Variants in UNC5C observed in about 807,000 individuals in gnomAD.
UNC5C encodes the protein unc-5 netrin receptor C.
Under a neutral mutation model 99.8 loss-of-function variants are expected in UNC5C, and 47 were observed. The observed-to-expected ratio is 0.47, with a 90% CI of 0.37 to 0.60. The LOEUF (loss-of-function observed/expected upper bound fraction) is 0.60, where lower values mean the gene tolerates loss of function less well. UNC5C is among the 20% of genes least tolerant of loss of function. The pLI is 0.00. For missense variants in UNC5C, 1,062 were observed against 1,165.9 expected (o/e 0.91, Z 1.30); for synonymous variants, 487 against 452.2 (o/e 1.08, Z -0.98).
At position 95,219,135 on chromosome 4, in the gene UNC5C, G is replaced by C. The variant is rs775433817; in HGVS notation, c.1479C>G (p.Asp493Glu). 1.9e-6 allele frequency: 3 copies of C among 1,614,136 alleles called. No homozygotes were observed. Among genetic ancestry groups the C allele is most frequent in the Non-Finnish European group, 2.5e-6 (3 of 1,180,024 alleles). Reference protein sequence around the residue: ...NTSGAVTPQDDLSEFTSKLSP... With the variant: ...NTSGAVTPQDELSEFTSKLSP... The stretch of plus-strand genomic sequence containing the variant: ...ACAGCTTGGACGTAAACTCAGAGAG[G>C]TCATCTTGGGGGGTGACAGCACCTG... The change falls in exon 9 of 16, where the codon GAC becomes GAG. Residue 493 changes from aspartate to glutamate, a missense_variant. By Grantham distance (45) the Asp-to-Glu change is conservative. This residue lies in a region of UNC5C where 810 missense variants were observed against 854.5 expected (regional missense o/e 0.95). Transcript: ENST00000453304.
At chr4:95,274,334 A>T (rs1740775616) in intron 4 of UNC5C, among the ~76,000 whole-genome samples, 1 of 152,100 alleles carries the variant, frequency 6.6e-6, no homozygotes, top group Non-Finnish European at 1.5e-5. Flanking sequence ...CGGTGGCTAA[A>T]GGGTTATATC....
At chr4:95,376,966 C>T (rs542836751) in intron 1 of UNC5C, among the ~76,000 whole-genome samples, 28 of 152,194 alleles carry the variant, frequency 1.8e-4, no homozygotes, top group Non-Finnish European at 2.4e-4. Context: ...TTTAAGCCAG[C>T]GAAGTGCTAA....
chr4:95,482,119 G>T (rs990140443), intron 1 of UNC5C, among the ~76,000 whole-genome samples: 3 of 151,738 alleles, frequency 2.0e-5, no homozygotes, highest in Non-Finnish European at 4.4e-5. Context: ...TCTGACAAAG[G>T]GCTAATATCC....
intron 1 of UNC5C, among the ~76,000 whole-genome samples, chr4:95,410,112 GTA>G (rs1418076554): frequency 6.6e-6 from 1 of 152,136 alleles, no homozygotes; most frequent in African/African-American, 2.4e-5. Context: ...ACCTTACTAT[GTA>G]TTATATAATA....
chr4:95,533,712 AAAAC>A (rs1297197074), intron 1 of UNC5C, among the ~76,000 whole-genome samples: 8 of 152,314 alleles, frequency 5.3e-5, no homozygotes, highest in African/African-American at 1.9e-4. Context: ...TTTGAAAACA[AAAAC>A]AAAAAAGGCA....
chr4:95,447,503 AT>A lies in UNC5C; in HGVS notation c.124+101230del, dbSNP rs1441565401. Reference sequence around the variant, plus strand: ...GCCTGCCTAATTTTATTATTTATTTATTTTTTTATTTATTTGAGACGAAGTC... The same window carrying A: ...GCCTGCCTAATTTTATTATTTATTTATTTTTTATTTATTTGAGACGAAGTC... On this transcript the variant is annotated intron_variant, in intron 1 of 15. Coordinates refer to ENST00000453304, the MANE Select transcript of UNC5C (RefSeq NM_003728.4). Among the ~76,000 whole-genome samples, 7 of 151,952 alleles carry A rather than the reference AT, an allele frequency of 4.6e-5. No individual in the cohort carries two copies. The East Asian group carries it at 1.4e-3, about 30-fold the overall frequency.
intron 2 of UNC5C, among the ~76,000 whole-genome samples, chr4:95,317,359 C>G (rs557915487): frequency 2.0e-5 from 3 of 152,268 alleles, no homozygotes; most frequent in Non-Finnish European, 4.4e-5. Flanking sequence ...ATCTGGGAAG[C>G]CAACTGAGAG....
chr4:95,212,164 A>G (rs940049404), intron 10 of UNC5C, among the ~76,000 whole-genome samples: 3 of 152,184 alleles, frequency 2.0e-5, no homozygotes, highest in Non-Finnish European at 4.4e-5. Flanking sequence ...ATAGATGTAT[A>G]TGATAGTGTC....
intron 1 of UNC5C, among the ~76,000 whole-genome samples, chr4:95,365,295 C>T (rs1248354855): frequency 9.3e-6 from 1 of 108,036 alleles, no homozygotes; most frequent in Non-Finnish European, 2.0e-5. Flanking sequence ...GAATCTGTCT[C>T]AAAAAAAAAA....
chr4:95,333,048 A>G (rs1241003070), intron 2 of UNC5C, among the ~76,000 whole-genome samples: 1 of 152,106 alleles, frequency 6.6e-6, no homozygotes. Context: ...TTAGAATGGC[A>G]ATCATTAAAA....
chr4:95,292,266 T>TATATATAA (rs1361082093), intron 3 of UNC5C, among the ~76,000 whole-genome samples: 2 of 58,106 alleles, frequency 3.4e-5, no homozygotes, highest in Non-Finnish European at 6.8e-5. Flanking sequence ...TATATATATA[T>TATATATAA]AAATTTTTTT....
intron 4 of UNC5C, among the ~76,000 whole-genome samples, chr4:95,257,297 G>C (rs1409743678): frequency 6.6e-6 from 1 of 152,090 alleles, no homozygotes; most frequent in Non-Finnish European, 1.5e-5. Flanking sequence ...GCAGCTACTT[G>C]GGAGGCTAAG....
intron 1 of UNC5C, among the ~76,000 whole-genome samples, chr4:95,353,289 A>G (rs897714037): frequency 2.6e-5 from 4 of 152,156 alleles, no homozygotes; most frequent in Non-Finnish European, 5.9e-5. Context: ...CACATCTAAA[A>G]GTGATGACTT....
intron 2 of UNC5C, among the ~76,000 whole-genome samples, chr4:95,334,852 T>A (rs999449159): frequency 3.3e-5 from 5 of 151,960 alleles, no homozygotes; most frequent in Admixed American, 3.3e-4. Flanking sequence ...TCCTACACTA[T>A]CACTGTTCTG....
At chr4:95,300,693 C>T (rs1188132147) in intron 3 of UNC5C, among the ~76,000 whole-genome samples, 2 of 152,050 alleles carry the variant, frequency 1.3e-5, no homozygotes, top group Non-Finnish European at 2.9e-5. Context: ...AGTTCTTTCA[C>T]ATCCCTAAAG....
At position 95,316,920 on chromosome 4, in the gene UNC5C, A is replaced by G. The variant is rs143756546; in HGVS notation, c.347-15171T>C. Reference sequence around the variant, plus strand: ...GGGATCTGAGGTCCTAAAAAGAAAAATAATGACAGAGAATGGCTGTAATTT... The same window carrying G: ...GGGATCTGAGGTCCTAAAAAGAAAAGTAATGACAGAGAATGGCTGTAATTT... On this transcript the variant is annotated intron_variant, in intron 2 of 15. Transcript: ENST00000453304. Among the ~76,000 whole-genome samples, 395 of 151,988 alleles carry G rather than the reference A, an allele frequency of 2.6e-3. 2 individuals carry two copies. The highest frequency in any genetic ancestry group is 8.5e-3 in the African/African-American group (353 of 41,438).
chr4:95,374,416 A>G (rs942546831), intron 1 of UNC5C, among the ~76,000 whole-genome samples: 1 of 152,136 alleles, frequency 6.6e-6, no homozygotes, highest in Non-Finnish European at 1.5e-5. Flanking sequence ...TAGTTGCCAT[A>G]AGCAGCCCTG....
chr4:95,434,540 T>C (rs896112222), intron 1 of UNC5C, among the ~76,000 whole-genome samples: 1 of 152,048 alleles, frequency 6.6e-6, no homozygotes, highest in Non-Finnish European at 1.5e-5. Context: ...CTTTATATAC[T>C]TCCTTTACAC....
chr4:95,482,832 G>A (rs1479386670), intron 1 of UNC5C, among the ~76,000 whole-genome samples: 1 of 125,084 alleles, frequency 8.0e-6, no homozygotes, highest in African/African-American at 3.3e-5. Context: ...ACACAGGAAG[G>A]GGAACATCAC....
Sources: allele counts gnomAD v4.1 joint callset (sites outside exome capture counted in the v4.1 genomes callset), GRCh38; gene constraint gnomAD v4.1.1; regional missense constraint gnomAD v4.1.1; transcripts MANE v1.5; gene names NCBI Gene and HGNC (gene_info 2026-07-23, HGNC 2026-07-21).